ZNF227: variants seen among roughly 807,000 people sequenced by gnomAD.
The protein encoded by ZNF227 is zinc finger protein 227.
A neutral mutation model predicts 13.2 loss-of-function variants in ZNF227; 12 were observed. The ratio of observed to expected loss-of-function variants is 0.91; its 90% CI spans 0.58 to 1.47. The LOEUF (loss-of-function observed/expected upper bound fraction) is 1.47. Among genes scored for constraint, ZNF227 ranks in the 40% most tolerant of loss-of-function variants. The pLI is 0.00. For synonymous variants in ZNF227, 338 were observed against 326.0 expected (o/e 1.04, Z -0.40); for missense variants, 885 against 967.5 (o/e 0.91, Z 1.13).
In ZNF227 at chr19:44,236,015, TTCAG is replaced by T. The variant is rs756983046; in HGVS notation, c.1592_1595del (p.Gln531ProfsTer37). The T allele has an allele frequency of 1.1e-5, 17 of 1,613,728 alleles. No homozygotes were observed. The highest frequency in any genetic ancestry group is 1.4e-5 in the Non-Finnish European group (17 of 1,179,968). Reference sequence around the variant, plus strand: ...CAAGTGTGAAACGTGTGGGAAGGGCTTCAGTCAGTCCTCAAAGCTTCAAACCCAT... The same window carrying T: ...CAAGTGTGAAACGTGTGGGAAGGGCTTCAGTCCTCAAAGCTTCAAACCCAT... On this transcript the variant is annotated frameshift_variant, in exon 6 of 6. Coordinates refer to ENST00000313040, the MANE Select transcript of ZNF227 (RefSeq NM_182490.3). LOFTEE classifies it low-confidence loss of function (END_TRUNC).
At chr19:44,209,060 G>A (rs1971278788), upstream of ZNF227, among the ~76,000 whole-genome samples, 1 of 152,120 alleles carries the variant, frequency 6.6e-6, no homozygotes, top group Non-Finnish European at 1.5e-5. Context: ...GGATGACAGC[G>A]AGACCCCGTT....
chr19:44,221,651 T>A (rs905207874), intron 3 of ZNF227, among the ~76,000 whole-genome samples: 9 of 152,230 alleles, frequency 5.9e-5, no homozygotes, highest in Non-Finnish European at 1.0e-4. Flanking sequence ...CATTGTAGAT[T>A]CTGGATATTA....
chr19:44,227,169 A>G (rs1389695737), intron 3 of ZNF227: 1 of 152,242 alleles, frequency 6.6e-6, no homozygotes, highest in East Asian at 1.9e-4. Context: ...ATGGTGTGCT[A>G]GGCACTTCTA....
chr19:44,211,640 T>C (rs958697862), upstream of ZNF227, among the ~76,000 whole-genome samples: 1 of 152,212 alleles, frequency 6.6e-6, no homozygotes, highest in African/African-American at 2.4e-5. Context: ...CTATCCTCAG[T>C]AAGCAAGTTG....
rs532710848 is a variant in ZNF227, at chr19:44,221,375, C to G, written c.60+3523C>G. Among the ~76,000 whole-genome samples, 320 of 152,324 alleles carry G rather than the reference C, an allele frequency of 2.1e-3. 6 individuals carry two copies. The highest frequency in any genetic ancestry group is 2.4e-3 in the Non-Finnish European group (161 of 68,030). On this transcript the variant is annotated intron_variant, in intron 3 of 5. Coordinates refer to ENST00000313040, the MANE Select transcript of ZNF227 (RefSeq NM_182490.3). ...ATGGTTGAACTAGTTTACAGTCGCA[C>G]CAGCAGTGTAAAAGTGTTCCTGTTT...
chr19:44,212,679 AGGTCGC>A (rs1279497630), intron 1 of ZNF227, 94 bp downstream of exon 1: 2 of 151,988 alleles, frequency 1.3e-5, no homozygotes, highest in African/African-American at 4.8e-5. Context: ...TGGGATGGAG[AGGTCGC>A]GGCCGCGGCG....
At position 44,235,132 on chromosome 19, in the gene ZNF227, C is replaced by T. The variant is rs745927973; in HGVS notation, c.702C>T (p.Ile234=). The T allele has an allele frequency of 6.2e-7, 1 of 1,614,130 alleles. No homozygotes were observed. ...KPCKGNEYGK[I]ISDGSNQKLP... is the part of the protein sequence containing the mutation. ...GCAAAGGTAATGAATATGGCAAAAT[C>T]ATTAGTGATGGCTCCAATCAGAAAT... Residue 234 remains isoleucine, a synonymous_variant, in exon 6 of 6, where the codon ATC becomes ATT. Coordinates refer to ENST00000313040, the MANE Select transcript of ZNF227 (RefSeq NM_182490.3).
At chr19:44,222,837 G>T (rs1972691868) in intron 3 of ZNF227, among the ~76,000 whole-genome samples, 1 of 151,866 alleles carries the variant, frequency 6.6e-6, no homozygotes, top group East Asian at 1.9e-4. Flanking sequence ...CCCCTGTCTT[G>T]TGCCAGTTTT....
At chr19:44,217,650 C>A in intron 2 of ZNF227, 141 bp from the exon 3 acceptor site, 2 of 899,110 alleles carry the variant, frequency 2.2e-6, no homozygotes, top group Non-Finnish European at 3.8e-6. Context: ...CATTTAGTAG[C>A]TGGAATACAG....
Position 44,229,762 on chromosome 19 carries a change from T to C in ZNF227, c.217T>C (p.Ser73Pro). ...TCTTCCCTTCCAACCAGATATGGTA[T>C]CCCAATTGGAAGCAGAAGAAAAGCT... ...GHLPFQPDMV[S>P]QLEAEEKLWM... is the part of the protein sequence containing the mutation. The change falls in exon 5 of 6, where the codon TCC becomes CCC. Residue 73 changes from serine to proline, a missense_variant. Transcript: ENST00000313040. 2 of 1,591,066 alleles carry C rather than the reference T, an allele frequency of 1.3e-6. No individual in the cohort carries two copies. The highest frequency in any genetic ancestry group is 4.5e-5 in the East Asian group (2 of 44,574).
chr19:44,213,380 C>T (rs1394905428), intron 2 of ZNF227, 136 bp downstream of exon 2: 1 of 152,200 alleles, frequency 6.6e-6, no homozygotes, highest in Non-Finnish European at 1.5e-5. Context: ...AGGAAAACTA[C>T]TTGGAAATGA....
chr19:44,210,944 A>AACCCG (rs1971334348), upstream of ZNF227, among the ~76,000 whole-genome samples: 4 of 152,216 alleles, frequency 2.6e-5, no homozygotes, highest in South Asian at 8.3e-4. Flanking sequence ...CTGTAATCCT[A>AACCCG]GCACTTTGGG....
chr19:44,230,926 A>AAAAAAAAAAAAAAATATATATAT (rs1555792168), intron 5 of ZNF227, among the ~76,000 whole-genome samples: 3 of 68,114 alleles, frequency 4.4e-5, no homozygotes, highest in Admixed American at 2.2e-4. Context: ...AAAAAAAAAA[A>AAAAAAAAAAAAAAATATATATAT]ATATATATAT....
chr19:44,229,997 T>C (rs976687777), intron 5 of ZNF227, among the ~76,000 whole-genome samples, 181 bp downstream of exon 5: 2 of 152,080 alleles, frequency 1.3e-5, no homozygotes, highest in Non-Finnish European at 2.9e-5. Flanking sequence ...TTCTAAATGG[T>C]AGCCGGAGTG....
intron 2 of ZNF227, among the ~76,000 whole-genome samples, chr19:44,216,214 AT>A (rs979842490): frequency 2.1e-4 from 30 of 145,188 alleles, no homozygotes; most frequent in East Asian, 4.1e-4. Context: ...AATTCTCTTC[AT>A]TTTTTTTTTC....
In ZNF227 at chr19:44,235,233, A is replaced by C. The variant is rs1352231770; in HGVS notation, c.803A>C (p.His268Pro). Residue 268 changes from histidine (H) to proline (P), a missense_variant, in exon 6 of 6, where the codon CAT (histidine) becomes CCT (proline). By Grantham distance (77) the His-to-Pro change is moderately conservative (BLOSUM62 -2). Transcript: ENST00000313040. ...AGTTATAGCCCAAGGCTTCCCCTTC[A>C]TCCGAATGTTCATACAGGAGAAAAA... ...GFSYSPRLPL[H>P]PNVHTGEKCF... 6.2e-7 allele frequency: 1 copy of C among 1,614,026 alleles called. No homozygotes were observed. Among genetic ancestry groups the C allele is most frequent in the African/African-American group, 1.3e-5 (1 of 74,926 alleles).
intron 3 of ZNF227, among the ~76,000 whole-genome samples, chr19:44,222,811 G>C (rs1478021295): frequency 6.6e-6 from 1 of 151,744 alleles, no homozygotes; most frequent in Non-Finnish European, 1.5e-5. Flanking sequence ...TTGAATAGGA[G>C]TGGTGAGAGA....
chr19:44,215,989 T>TAA (rs1276832695), intron 2 of ZNF227, among the ~76,000 whole-genome samples: 3,459 of 36,986 alleles, frequency 0.094, 443 homozygotes, highest in African/African-American at 0.26. Context: ...ACTCTCTCTC[T>TAA]AAAAAAAAAA....
chr19:44,228,759 A>G, intron 4 of ZNF227, 187 bp downstream of exon 4: 1 of 667,808 alleles, frequency 1.5e-6, no homozygotes, highest in Non-Finnish European at 2.2e-6. Flanking sequence ...GTCCTTTTAA[A>G]TTGCTGGTTC....
Sources: gnomAD v4.1 joint callset for allele counts (sites outside exome capture counted in the v4.1 genomes callset) on GRCh38, gnomAD v4.1.1 for gene constraint, MANE v1.5 for transcripts, NCBI Gene and HGNC (gene_info 2026-07-23, HGNC 2026-07-21) for gene names.